The following ERC1 variants were observed in gnomAD, a reference collection of about 807,000 sequenced individuals.
ERC1 encodes the protein ELKS/RAB6-interacting/CAST family member 1, also known as RAB6 interacting protein 2.
ERC1 carries 56 observed loss-of-function variants against 132.0 expected under a neutral mutation model. That is an observed-to-expected ratio of 0.42 (90% CI 0.34 to 0.53). The LOEUF is 0.53. Ranked by LOEUF, ERC1 falls within the 20% of genes least tolerant of loss-of-function variation. The pLI, the probability that ERC1 is intolerant of heterozygous loss-of-function variation, is 0.03. For synonymous variants in ERC1, 478 were observed against 476.1 expected, an observed-to-expected ratio of 1.00 and a Z score of -0.05; for missense variants, 1,202 against 1,349.9, an observed-to-expected ratio of 0.89 and a Z score of 1.72.
chr12:1,110,184 G>A lies in ERC1; in HGVS notation c.1162-8G>A, dbSNP rs1404106916. On this transcript the variant is annotated splice_region_variant and splice_polypyrimidine_tract_variant and intron_variant, in intron 4 of 18. Transcript: ENST00000360905. ...TACTTCAATCACTAAATCTTCCATT[G>A]TCTTCAGGATTCAAAAATTTCCTCT... The A allele has an allele frequency of 1.3e-6, 2 of 1,597,016 alleles. No individual in the cohort carries two copies. Among genetic ancestry groups the A allele is most frequent in the East Asian group, 2.2e-5 (1 of 44,500 alleles).
At chr12:1,313,120 T>C (rs979169888) in intron 15 of ERC1, among the ~76,000 whole-genome samples, 1 of 152,150 alleles carries the variant, frequency 6.6e-6, no homozygotes, top group Non-Finnish European at 1.5e-5. Context: ...TCTTTTCCGC[T>C]ATCCTTAGTA....
intron 7 of ERC1, among the ~76,000 whole-genome samples, chr12:1,122,948 TG>T (rs1207685385): frequency 1.3e-5 from 2 of 152,084 alleles, no homozygotes; most frequent in African/African-American, 4.8e-5. Context: ...GCAGAGCATT[TG>T]TTCTAGCAGC....
At chr12:1,077,778 C>T (rs553951451) in intron 2 of ERC1, among the ~76,000 whole-genome samples, 35 of 152,266 alleles carry the variant, frequency 2.3e-4, no homozygotes, top group African/African-American at 8.4e-4. Context: ...TGTGAATATG[C>T]CCATTTTATC....
chr12:1,272,260 T>C (rs1388592552), intron 14 of ERC1, among the ~76,000 whole-genome samples: 1 of 152,256 alleles, frequency 6.6e-6, no homozygotes, highest in East Asian at 1.9e-4. Context: ...CCACTATTGG[T>C]ACTTCTGTTG....
At chr12:1,142,478 T>C (rs1166374385) in intron 8 of ERC1, among the ~76,000 whole-genome samples, 1 of 152,208 alleles carries the variant, frequency 6.6e-6, no homozygotes, top group Non-Finnish European at 1.5e-5. Context: ...TCAAGTCAAG[T>C]ATATTTCTAG....
chr12:1,255,510 A>G (rs2076740382), intron 13 of ERC1, among the ~76,000 whole-genome samples: 1 of 150,980 alleles, frequency 6.6e-6, no homozygotes, highest in African/African-American at 2.4e-5. Context: ...TAGATCCTTG[A>G]GGAATCACCA....
At chr12:1,216,106 CT>C (rs773521598) in intron 12 of ERC1, among the ~76,000 whole-genome samples, 3 of 152,094 alleles carry the variant, frequency 2.0e-5, no homozygotes, top group Non-Finnish European at 2.9e-5. Context: ...TGGTCTCCCC[CT>C]CTCCTTCCTT....
At chr12:1,060,372 T>G (rs1377706277) in intron 2 of ERC1, among the ~76,000 whole-genome samples, 2 of 147,004 alleles carry the variant, frequency 1.4e-5, no homozygotes, top group Non-Finnish European at 3.0e-5. Context: ...TTCCCCTTCC[T>G]GTGTCCATGT....
intron 13 of ERC1, among the ~76,000 whole-genome samples, chr12:1,239,335 C>G (rs1463765659): frequency 1.3e-5 from 2 of 152,142 alleles, no homozygotes; most frequent in Admixed American, 6.5e-5. Flanking sequence ...GGACTATAGG[C>G]GTGAGCCACT....
At chr12:1,279,196 G>A (rs1317983107) in intron 14 of ERC1, among the ~76,000 whole-genome samples, 1 of 152,014 alleles carries the variant, frequency 6.6e-6, no homozygotes, top group African/African-American at 2.4e-5. Flanking sequence ...GTTGACAGAA[G>A]CTTTAACGAC....
intron 14 of ERC1, among the ~76,000 whole-genome samples, chr12:1,275,354 G>A (rs768857052): frequency 1.3e-5 from 2 of 152,122 alleles, no homozygotes; most frequent in African/African-American, 2.4e-5. Context: ...TGGGCGTGGT[G>A]GTGCACGCCT....
intron 13 of ERC1, among the ~76,000 whole-genome samples, chr12:1,248,133 T>A (rs999331113): frequency 4.6e-5 from 7 of 152,224 alleles, no homozygotes; most frequent in Non-Finnish European, 1.0e-4. Context: ...AACCTTGACC[T>A]GTCTGTATCC....
intron 11 of ERC1, among the ~76,000 whole-genome samples, chr12:1,189,446 G>T (rs1054390283): frequency 2.6e-5 from 4 of 152,170 alleles, no homozygotes; most frequent in African/African-American, 7.2e-5. Context: ...GGAAGTTAGG[G>T]TCTAGTGGGA....
chr12:1,355,032 G>C (rs1193131381), intron 15 of ERC1, among the ~76,000 whole-genome samples: 2 of 152,196 alleles, frequency 1.3e-5, no homozygotes, highest in Non-Finnish European at 2.9e-5. Flanking sequence ...AGAAGGTGGG[G>C]TTCCATGATC....
At chr12:1,178,004 G>A (rs975946554) in intron 8 of ERC1, among the ~76,000 whole-genome samples, 1 of 152,120 alleles carries the variant, frequency 6.6e-6, no homozygotes, top group African/African-American at 2.4e-5. Context: ...TTTCCATCTC[G>A]GATGAACTCA....
At chr12:1,045,566 A>G (rs1442755728) in intron 2 of ERC1, among the ~76,000 whole-genome samples, 1 of 152,094 alleles carries the variant, frequency 6.6e-6, no homozygotes, top group Non-Finnish European at 1.5e-5. Flanking sequence ...ACAGTTCTGT[A>G]GGTAAGCAAT....
chr12:1,011,389 A>G (rs1179597731), intron 1 of ERC1, among the ~76,000 whole-genome samples: 2 of 152,098 alleles, frequency 1.3e-5, no homozygotes, highest in Non-Finnish European at 2.9e-5. Context: ...ATTTTTTTGT[A>G]GAGACAGGGT....
intron 16 of ERC1, among the ~76,000 whole-genome samples, chr12:1,398,045 A>G (rs937205840): frequency 7.9e-5 from 12 of 152,252 alleles, no homozygotes; most frequent in African/African-American, 2.9e-4. Flanking sequence ...GCGCAGGGGC[A>G]CAGTCACCAC....
In ERC1 at chr12:1,493,841, G is replaced by A. The variant is rs1387503508; in HGVS notation, c.*3611G>A. On this transcript the variant is annotated 3_prime_UTR_variant, in exon 19 of 19. Coordinates refer to ENST00000360905, the MANE Select transcript of ERC1 (RefSeq NM_178040.4). ...CCCCAGAGTGAGAGAAGAGGAAGGC[G>A]AAGTCATCACAGACACGGTCTTAGC... The A allele has an allele frequency of 1.8e-5, 4 of 226,622 alleles. No homozygotes were observed. The highest frequency in any genetic ancestry group is 6.3e-5 in the East Asian group (1 of 15,906). 14.0% of individuals were successfully genotyped at this position (226,622 alleles called of 1,614,324 possible).
Sources: allele counts gnomAD v4.1 joint callset (sites outside exome capture counted in the v4.1 genomes callset), GRCh38; gene constraint gnomAD v4.1.1; transcripts MANE v1.5; gene names NCBI Gene and HGNC (gene_info 2026-07-23, HGNC 2026-07-21).